Variants in PRR14L observed in about 807,000 individuals in gnomAD.
PRR14L encodes the protein proline rich 14 like.
PRR14L carries 80 observed loss-of-function variants against 155.0 expected under a neutral mutation model. That is an observed-to-expected ratio of 0.52 (90% CI 0.43 to 0.62). The LOEUF (loss-of-function observed/expected upper bound fraction) is 0.62, where lower values mean the gene tolerates loss of function less well. Among genes scored for constraint, PRR14L ranks in the 20% least tolerant of loss-of-function variants. The pLI is 0.00. For synonymous variants in PRR14L, 883 were observed against 916.0 expected (o/e 0.96, Z 0.65); for missense variants, 2,469 against 2,548.0 (o/e 0.97, Z 0.67).
intron 4 of PRR14L, among the ~76,000 whole-genome samples, chr22:31,709,328 C>G (rs2074608303): frequency 6.6e-6 from 1 of 151,578 alleles, no homozygotes; most frequent in South Asian, 2.1e-4. Context: ...TCTTGGCTCA[C>G]TGCAACCCCG....
chr22:31,714,865 T>C lies in PRR14L; in HGVS notation c.2974A>G (p.Met992Val), dbSNP rs1225497346. ...CKSEGQSAKE[M>V]LSSDQRETVT... is the part of the protein sequence containing the mutation. Reference sequence around the variant, plus strand: ...GTCTCTCTCTGGTCACTACTTAGCATCTCCTTGGCTGACTGACCTTCACTT... The same window carrying C: ...GTCTCTCTCTGGTCACTACTTAGCACCTCCTTGGCTGACTGACCTTCACTT... The change falls in exon 4 of 9, where the codon ATG (methionine) becomes GTG (valine). Residue 992 changes from methionine (M) to valine (V), a missense_variant. Transcript: ENST00000327423. The C allele has an allele frequency of 6.4e-7, 1 of 1,551,980 alleles. No individual in the cohort carries two copies. The highest frequency in any genetic ancestry group is 2.0e-5 in the Admixed American group (1 of 51,000).
Position 31,712,637 on chromosome 22 carries a change from G to A in PRR14L, c.5202C>T (p.Ser1734=). 3 of 1,551,780 alleles carry A rather than the reference G, an allele frequency of 1.9e-6. No individual in the cohort carries two copies. The highest frequency in any genetic ancestry group is 2.6e-6 in the Non-Finnish European group (3 of 1,147,006). The change falls in exon 4 of 9, where the codon TCC becomes TCT. Residue 1734 remains serine, a synonymous_variant. Coordinates refer to ENST00000327423, the MANE Select transcript of PRR14L (RefSeq NM_173566.3). The part of the protein sequence containing the change: ...KSSSSDCTTE[S]SRTFPEHCAP... Reference sequence around the variant, plus strand: ...CACAGTGCTCAGGAAAAGTCCTTGAGGACTCAGTCGTGCAATCTGAGCTGG... The same window carrying A: ...CACAGTGCTCAGGAAAAGTCCTTGAAGACTCAGTCGTGCAATCTGAGCTGG...
At chr22:31,720,077 T>C (rs753404540) in intron 3 of PRR14L, among the ~76,000 whole-genome samples, 22 of 152,108 alleles carry the variant, frequency 1.4e-4, no homozygotes, top group Non-Finnish European at 2.5e-4. Flanking sequence ...TCTTTTATTG[T>C]AAAAGGTGGG....
chr22:31,725,431 C>A, intron 3 of PRR14L, 107 bp downstream of exon 3: 1 of 729,894 alleles, frequency 1.4e-6, no homozygotes, highest in Non-Finnish European at 2.4e-6. Flanking sequence ...GTACACCTTA[C>A]AAGGCAAGGA....
At position 31,712,551 on chromosome 22, in the gene PRR14L, G is replaced by C; in HGVS notation, c.5288C>G (p.Thr1763Ser). Residue 1763 changes from threonine (T) to serine (S), a missense_variant, in exon 4 of 9, where the codon ACC (threonine) becomes AGC (serine). Transcript: ENST00000327423. ...ACCGTGGGACAAGAAGAAAGAAAAG[G>C]TCCACTTGGGAGGTTGAGACGGGCA... ...LQCPSQPPKW[T>S]FSFFLSHGCP... is the part of the protein sequence containing the mutation. 6.4e-7 allele frequency: 1 copy of C among 1,551,728 alleles called. No individual in the cohort carries two copies. The highest frequency in any genetic ancestry group is 8.7e-7 in the Non-Finnish European group (1 of 1,147,012).
intron 7 of PRR14L, among the ~76,000 whole-genome samples, chr22:31,692,179 C>G (rs898156100): frequency 6.6e-6 from 1 of 151,868 alleles, no homozygotes; most frequent in African/African-American, 2.4e-5. Context: ...GTTTTCAATT[C>G]TTTTGGGTAT....
rs1327806580 is a variant in PRR14L at position 31,722,036 on chromosome 22, G to A, written c.547+3502C>T. Among the ~76,000 whole-genome samples the A allele has an allele frequency of 2.0e-5, 3 of 152,056 alleles. No individual in the cohort carries two copies. The East Asian group carries it at 5.8e-4, about 29-fold the overall frequency. On this transcript the variant is annotated intron_variant, in intron 3 of 8. Transcript: ENST00000327423. ...TCCTCCCACTCAGAATAACCAAAACGTAATAAATAAAATCAAGTAAAGTAA... is the reference window on the plus strand; with the variant it reads ...TCCTCCCACTCAGAATAACCAAAACATAATAAATAAAATCAAGTAAAGTAA...
At chr22:31,720,609 C>T (rs1377813433) in intron 3 of PRR14L, among the ~76,000 whole-genome samples, 1 of 152,164 alleles carries the variant, frequency 6.6e-6, no homozygotes, top group Non-Finnish European at 1.5e-5. Flanking sequence ...GTGGCAGGCA[C>T]CTGTAATCCC....
chr22:31,745,390 T>C (rs894850895), intron 1 of PRR14L, among the ~76,000 whole-genome samples: 1 of 151,216 alleles, frequency 6.6e-6, no homozygotes, highest in African/African-American at 2.4e-5. Flanking sequence ...AAATAAAAAA[T>C]AAAAAATAAA....
chr22:31,704,255 A>G (rs2074578070), intron 5 of PRR14L, among the ~76,000 whole-genome samples: 2 of 152,198 alleles, frequency 1.3e-5, no homozygotes, highest in East Asian at 1.9e-4. Context: ...ATGGAATTTT[A>G]TAAGGAAAAA....
intron 7 of PRR14L, 62 bp from the exon 8 acceptor site, chr22:31,688,289 G>C: frequency 4.1e-6 from 6 of 1,466,550 alleles, no homozygotes. Flanking sequence ...TTCAGAGAAG[G>C]TCTTGCTCTG....
At chr22:31,745,023 G>C (rs145660558) in intron 1 of PRR14L, among the ~76,000 whole-genome samples, 1 of 152,114 alleles carries the variant, frequency 6.6e-6, no homozygotes, top group South Asian at 2.1e-4. Flanking sequence ...TTGCAGATAC[G>C]TTACCAAGAA....
At chr22:31,703,798 T>A in intron 5 of PRR14L, 77 bp from the exon 6 acceptor site, 18 of 203,874 alleles carry the variant, frequency 8.8e-5, no homozygotes, top group East Asian at 1.8e-4. Flanking sequence ...TTCTTCTTCA[T>A]TTTTTTTTTT....
At chr22:31,742,937 A>G (rs545739084) in intron 1 of PRR14L, among the ~76,000 whole-genome samples, 2 of 152,340 alleles carry the variant, frequency 1.3e-5, no homozygotes, top group South Asian at 4.1e-4. Context: ...CCTTGAAGAC[A>G]TTATGCTAAG....
chr22:31,688,240 A>G lies in PRR14L; in HGVS notation c.6108-13T>C, dbSNP rs749448520. 1.4e-5 allele frequency: 22 copies of G among 1,568,536 alleles called. No homozygotes were observed. The Admixed American group carries it at 3.6e-4, about 26-fold the overall frequency. On this transcript the variant is annotated splice_polypyrimidine_tract_variant and intron_variant, in intron 7 of 8. Coordinates refer to ENST00000327423, the MANE Select transcript of PRR14L (RefSeq NM_173566.3). ...CTTCTTCTTTAACCTGAAAAGAAATAAGGAAAAAAATTCTTCAGGTTCTCT... is the reference window on the plus strand; with the variant it reads ...CTTCTTCTTTAACCTGAAAAGAAATGAGGAAAAAAATTCTTCAGGTTCTCT...
At chr22:31,708,941 C>CT (rs2074606287) in intron 4 of PRR14L, among the ~76,000 whole-genome samples, 1 of 152,184 alleles carries the variant, frequency 6.6e-6, no homozygotes, top group Non-Finnish European at 1.5e-5. Flanking sequence ...ATTCTCCTGC[C>CT]TCAGCCTCCC....
intron 1 of PRR14L, among the ~76,000 whole-genome samples, chr22:31,741,252 CAAAAAAAA>C (rs139593821): frequency 3.9e-5 from 1 of 25,694 alleles, no homozygotes; most frequent in Non-Finnish European, 7.3e-5. Context: ...GGCTCTGTCT[CAAAAAAAA>C]AAAAAAAAAA....
intron 7 of PRR14L, among the ~76,000 whole-genome samples, chr22:31,690,684 C>T (rs1349070393): frequency 6.6e-6 from 1 of 151,692 alleles, no homozygotes; most frequent in African/African-American, 2.4e-5. Flanking sequence ...CTCTGTCGCC[C>T]AGGCTGGAGT....
chr22:31,748,888 A>G (rs1223993346), intron 1 of PRR14L, among the ~76,000 whole-genome samples: 1 of 152,138 alleles, frequency 6.6e-6, no homozygotes, highest in Non-Finnish European at 1.5e-5. Context: ...GAAAGTATTG[A>G]ACAGCAGGAT....
Sources: allele counts gnomAD v4.1 joint callset (sites outside exome capture counted in the v4.1 genomes callset), GRCh38; gene constraint gnomAD v4.1.1; transcripts MANE v1.5; gene names NCBI Gene and HGNC (gene_info 2026-07-23, HGNC 2026-07-21).